The following RABGAP1 variants were observed in gnomAD, a reference collection of about 807,000 sequenced individuals.
RABGAP1 encodes RAB GTPase activating protein 1.
Under a neutral mutation model 137.6 loss-of-function variants are expected in RABGAP1, and 23 were observed. The observed-to-expected ratio is 0.17, with a 90% CI of 0.12 to 0.24. The LOEUF (loss-of-function observed/expected upper bound fraction) is 0.24. Among genes scored for constraint, RABGAP1 ranks in the 10% least tolerant of loss-of-function variants. RABGAP1 has a pLI of 1.00. For missense variants in RABGAP1, 906 were observed against 1,275.8 expected (o/e 0.71, Z 4.42); for synonymous variants, 451 against 450.7 (o/e 1.00, Z -0.01).
rs552919692 is a variant in RABGAP1 at position 122,988,213 on chromosome 9, A to G, written c.591-1084A>G. Among the ~76,000 whole-genome samples the G allele has an allele frequency of 6.6e-5, 10 of 152,302 alleles. No individual in the cohort carries two copies. The East Asian group carries it at 1.7e-3, about 26-fold the overall frequency. On this transcript the variant is annotated intron_variant, in intron 4 of 25. Transcript: ENST00000373647. Reference sequence around the variant, plus strand: ...AGAAAGCTAGTCGGTTTTACCCCACATTTTTAGAGTTTTCATAAAAGTGCT... The same window carrying G: ...AGAAAGCTAGTCGGTTTTACCCCACGTTTTTAGAGTTTTCATAAAAGTGCT...
intron 13 of RABGAP1, among the ~76,000 whole-genome samples, chr9:123,059,992 C>A (rs1166602838): frequency 6.6e-6 from 1 of 152,182 alleles, no homozygotes; most frequent in African/African-American, 2.4e-5. Context: ...AGACAGAATC[C>A]AGACTCTGCA....
intron 13 of RABGAP1, among the ~76,000 whole-genome samples, chr9:123,040,727 T>C (rs937409529): frequency 6.6e-6 from 1 of 152,210 alleles, no homozygotes; most frequent in Non-Finnish European, 1.5e-5. Context: ...CCGCTCATCT[T>C]AGTTTTCATG....
At chr9:123,034,727 A>G in intron 13 of RABGAP1, 1 of 1,613,684 alleles carries the variant, frequency 6.2e-7, no homozygotes, top group Non-Finnish European at 8.5e-7. Context: ...TTTGTATTTC[A>G]CTGTGCACCT....
intron 19 of RABGAP1, among the ~76,000 whole-genome samples, chr9:123,079,341 G>T (rs2034634872): frequency 6.6e-6 from 1 of 150,722 alleles, no homozygotes; most frequent in African/African-American, 2.4e-5. Context: ...CCGGGTTCAA[G>T]TAATTCTCCT....
intron 21 of RABGAP1, among the ~76,000 whole-genome samples, chr9:123,094,019 G>A (rs1168015101): frequency 6.6e-6 from 1 of 152,148 alleles, no homozygotes. Context: ...TTGTAAAGTG[G>A]TATTGTTTTT....
In RABGAP1 at chr9:122,984,423, A is replaced by G. The variant is rs988876533; in HGVS notation, c.151-62A>G. 6.6e-6 allele frequency: 9 copies of G among 1,370,014 alleles called. No individual in the cohort carries two copies. In the African/African-American group the frequency reaches 7.2e-5, roughly 11 times the overall value. The allele number at this position is 1,370,014 out of a possible 1,614,324, so 84.9% of individuals were successfully genotyped here. ...ATGATTTTCTTTAGAATGTGAACCC[A>G]TTTTAATCAATACTGGCCAATCTTT... is the stretch of plus-strand genomic sequence containing the variant. On this transcript the variant is annotated intron_variant, in intron 2 of 25. Coordinates refer to ENST00000373647, the MANE Select transcript of RABGAP1 (RefSeq NM_012197.4).
chr9:122,982,024 G>A (rs1008901774), intron 2 of RABGAP1, among the ~76,000 whole-genome samples: 4 of 151,440 alleles, frequency 2.6e-5, no homozygotes, highest in African/African-American at 9.7e-5. Context: ...ACTCCAGCCT[G>A]GGCAACAGAG....
intron 13 of RABGAP1, among the ~76,000 whole-genome samples, chr9:123,045,746 G>T (rs971725988): frequency 6.6e-6 from 1 of 152,090 alleles, no homozygotes; most frequent in Non-Finnish European, 1.5e-5. Context: ...TTTCCTCTGA[G>T]ATAAAGAGGA....
At chr9:122,962,597 G>GA (rs746860623) in intron 2 of RABGAP1, among the ~76,000 whole-genome samples, 26 of 151,694 alleles carry the variant, frequency 1.7e-4, no homozygotes, top group Non-Finnish European at 2.9e-4. Context: ...AATATATGTG[G>GA]AAAAAAATCA....
intron 1 of RABGAP1, among the ~76,000 whole-genome samples, chr9:122,945,693 C>T (rs1221661651): frequency 6.6e-6 from 1 of 152,192 alleles, no homozygotes; most frequent in African/African-American, 2.4e-5. Context: ...TAAACTACTA[C>T]TCCTTGGGTT....
chr9:122,959,946 G>A (rs116045684), intron 2 of RABGAP1, among the ~76,000 whole-genome samples: 1 of 152,160 alleles, frequency 6.6e-6, no homozygotes, highest in Admixed American at 6.5e-5. Context: ...TCTACTTCCA[G>A]CTCCAAAGCC....
chr9:122,935,570 A>G, the RABGAP1 span, among the ~76,000 whole-genome samples: 2 of 151,970 alleles, frequency 1.3e-5, no homozygotes, highest in African/African-American at 4.8e-5. Flanking sequence ...CAAACTTCTG[A>G]CCTCAGGTGA....
intron 2 of RABGAP1, among the ~76,000 whole-genome samples, chr9:122,964,239 C>A (rs1202267502): frequency 6.6e-6 from 1 of 152,096 alleles, no homozygotes; most frequent in African/African-American, 2.4e-5. Flanking sequence ...TACCCTGATA[C>A]CAAAATCAGA....
chr9:122,966,482 C>T (rs1351819634), intron 2 of RABGAP1, among the ~76,000 whole-genome samples: 1 of 152,144 alleles, frequency 6.6e-6, no homozygotes, highest in Middle Eastern at 3.4e-3. Context: ...TACATTGTGC[C>T]ATTGCCCCCC....
At chr9:123,034,493 C>T (rs992084974) in intron 13 of RABGAP1, 1 of 898,636 alleles carries the variant, frequency 1.1e-6, no homozygotes, top group Non-Finnish European at 1.7e-6. Flanking sequence ...ACCGCAATGA[C>T]AGCAGCTGCT....
At chr9:122,958,504 G>A (rs1197850034) in intron 2 of RABGAP1, among the ~76,000 whole-genome samples, 1 of 151,994 alleles carries the variant, frequency 6.6e-6, no homozygotes, top group African/African-American at 2.4e-5. Flanking sequence ...AGAATACTTG[G>A]ACACAGGATG....
At chr9:123,042,936 G>A (rs1564155156) in intron 13 of RABGAP1, among the ~76,000 whole-genome samples, 1 of 152,176 alleles carries the variant, frequency 6.6e-6, no homozygotes, top group Non-Finnish European at 1.5e-5. Flanking sequence ...GGCATGGATG[G>A]TGGAGTCTAA....
At position 122,988,603 on chromosome 9, in the gene RABGAP1, G is replaced by GT. The variant is rs540937816; in HGVS notation, c.591-688dup. ...GTCTGAGAAAAAGCATCAGTTTTTT[G>GT]TTTTTTATTTTTTCATAACAGATTA... On this transcript the variant is annotated intron_variant, in intron 4 of 25. Transcript: ENST00000373647. 2.7e-3 allele frequency among the ~76,000 whole-genome samples: 401 copies of GT among 148,708 alleles called. 1 individual carries two copies. The highest frequency in any genetic ancestry group is 9.2e-3 in the African/African-American group (372 of 40,644).
intron 4 of RABGAP1, 49 bp downstream of exon 4, chr9:122,986,468 C>T (rs1836375686): frequency 1.3e-6 from 2 of 1,553,378 alleles, no homozygotes; most frequent in Non-Finnish European, 1.8e-6. Flanking sequence ...AGATCTCTGA[C>T]CTGTTGCTTC....
Sources: gnomAD v4.1 joint callset for allele counts (sites outside exome capture counted in the v4.1 genomes callset) on GRCh38, gnomAD v4.1.1 for gene constraint, MANE v1.5 for transcripts, NCBI Gene and HGNC (gene_info 2026-07-23, HGNC 2026-07-21) for gene names.